MED13L: variants seen among roughly 807,000 people sequenced by gnomAD.
The protein encoded by MED13L is mediator of RNA polymerase II transcription subunit 13-like.
Under a neutral mutation model 220.9 loss-of-function variants are expected in MED13L, and 7 were observed. The observed-to-expected ratio is 0.03, with a 90% CI of 0.02 to 0.06. The LOEUF (loss-of-function observed/expected upper bound fraction) is 0.06. Among genes scored for constraint, MED13L ranks in the 10% least tolerant of loss-of-function variants. The probability of loss-of-function intolerance (pLI) is 1.00; values close to 1 mark genes in which losing one functional copy is unlikely to be tolerated. For missense variants in MED13L, 1,965 were observed against 2,760.5 expected (o/e 0.71, Z 6.46); for synonymous variants, 1,011 against 1,015.2 (o/e 1.00, Z 0.08).
chr12:116,087,425 C>A (rs1259398350), intron 4 of MED13L, among the ~76,000 whole-genome samples: 1 of 152,136 alleles, frequency 6.6e-6, no homozygotes, highest in Non-Finnish European at 1.5e-5. Flanking sequence ...GTATTCTTAA[C>A]CATCTTTCCA....
At chr12:116,066,766 A>G (rs1023124322) in intron 4 of MED13L, among the ~76,000 whole-genome samples, 4 of 152,128 alleles carry the variant, frequency 2.6e-5, no homozygotes, top group African/African-American at 9.6e-5. Flanking sequence ...TATTAAAAAA[A>G]AAAAAAACTC....
intron 4 of MED13L, among the ~76,000 whole-genome samples, chr12:116,067,896 G>C (rs185339280): frequency 1.5e-4 from 23 of 152,290 alleles, no homozygotes; most frequent in Middle Eastern, 3.4e-3. Flanking sequence ...ACAACAAAGA[G>C]ATTATTCATG....
intron 2 of MED13L, among the ~76,000 whole-genome samples, chr12:116,157,697 C>A (rs1191444378): frequency 6.6e-6 from 1 of 152,204 alleles, no homozygotes; most frequent in Non-Finnish European, 1.5e-5. Context: ...CAGCATTCTC[C>A]CACAATATTT....
intron 4 of MED13L, among the ~76,000 whole-genome samples, chr12:116,095,044 C>T (rs915916461): frequency 2.0e-5 from 3 of 152,064 alleles, no homozygotes; most frequent in Non-Finnish European, 2.9e-5. Context: ...TGCCTACAGT[C>T]CCAGCTACTT....
chr12:116,013,318 G>A (rs1879530948), intron 8 of MED13L, among the ~76,000 whole-genome samples: 1 of 152,166 alleles, frequency 6.6e-6, no homozygotes, highest in South Asian at 2.1e-4. Flanking sequence ...CAGGAATGAT[G>A]GTGATGCCAA....
At chr12:116,248,936 C>T (rs1871289670) in intron 1 of MED13L, among the ~76,000 whole-genome samples, 1 of 152,138 alleles carries the variant, frequency 6.6e-6, no homozygotes, top group Admixed American at 6.5e-5. Context: ...AGCTAGACTC[C>T]CTGAGAGAAG....
At chr12:116,138,541 TAG>T (rs1338822328) in intron 2 of MED13L, among the ~76,000 whole-genome samples, 1 of 152,218 alleles carries the variant, frequency 6.6e-6, no homozygotes, top group Non-Finnish European at 1.5e-5. Flanking sequence ...CATCTAGCTC[TAG>T]AGTTTTATGA....
chr12:116,198,037 A>G (rs1387178598), intron 2 of MED13L, among the ~76,000 whole-genome samples: 1 of 152,198 alleles, frequency 6.6e-6, no homozygotes, highest in African/African-American at 2.4e-5. Flanking sequence ...CATTAACAAT[A>G]ATACCATCAA....
intron 2 of MED13L, among the ~76,000 whole-genome samples, chr12:116,201,953 C>G (rs1438538749): frequency 6.6e-6 from 1 of 152,320 alleles, no homozygotes; most frequent in East Asian, 1.9e-4. Context: ...ATGCTTCATT[C>G]TCTTTGTAAG....
intron 2 of MED13L, among the ~76,000 whole-genome samples, chr12:116,195,079 TG>T (rs1295789392): frequency 1.3e-5 from 2 of 152,166 alleles, no homozygotes; most frequent in African/African-American, 2.4e-5. Context: ...AACAGCTGCC[TG>T]GGGGTAAGTA....
intron 2 of MED13L, among the ~76,000 whole-genome samples, chr12:116,233,349 A>T (rs1316754271): frequency 1.3e-5 from 2 of 152,204 alleles, no homozygotes; most frequent in African/African-American, 4.8e-5. Flanking sequence ...TAAAATCACA[A>T]TATTATGGTT....
intron 2 of MED13L, among the ~76,000 whole-genome samples, chr12:116,224,398 G>A (rs1448910566): frequency 9.2e-5 from 14 of 152,080 alleles, no homozygotes; most frequent in South Asian, 4.2e-4. Flanking sequence ...AAATCAACTC[G>A]TCCTCAAGGC....
intron 4 of MED13L, among the ~76,000 whole-genome samples, chr12:116,069,980 A>G (rs1459170443): frequency 6.6e-6 from 1 of 152,236 alleles, no homozygotes; most frequent in Non-Finnish European, 1.5e-5. Flanking sequence ...CATTTTGGAT[A>G]AAGAGTACTC....
chr12:116,039,516 A>G (rs1161245191), intron 4 of MED13L, among the ~76,000 whole-genome samples: 1 of 152,132 alleles, frequency 6.6e-6, no homozygotes, highest in African/African-American at 2.4e-5. Context: ...AACCATCTGC[A>G]TTGCTCATGA....
rs574615652 is a variant in MED13L, at chr12:116,175,391, T to C, written c.310+62077A>G. On this transcript the variant is annotated intron_variant, in intron 2 of 30. Coordinates refer to ENST00000281928, the MANE Select transcript of MED13L (RefSeq NM_015335.5). ...CCTTCCCTGACCCTAAAAACATTCT[T>C]AAAAAGCTTAATTCTGACGAAAAAA... 2.9e-4 allele frequency among the ~76,000 whole-genome samples: 44 copies of C among 152,218 alleles called. 1 individual carries two copies. The highest frequency in any genetic ancestry group is 9.4e-4 in the African/African-American group (39 of 41,536).
chr12:116,031,740 GAA>G lies in MED13L; in HGVS notation c.480-9141_480-9140del, dbSNP rs1175164792. Among the ~76,000 whole-genome samples, 600 of 60,460 alleles carry G rather than the reference GAA, an allele frequency of 9.9e-3. 12 individuals are homozygous for G. Among genetic ancestry groups the G allele is most frequent in the African/African-American group, 0.025 (264 of 10,704 alleles). The allele number at this position is 60,460 out of a possible 152,430, so 39.7% of individuals were successfully genotyped here. ...GAAAAGAAAAGAAAAGAAAAGAAAA[GAA>G]AAGAAAAGAAAAGAAAAGAAGGAAG... is the stretch of plus-strand genomic sequence containing the variant. On this transcript the variant is annotated intron_variant, in intron 4 of 30. Transcript: ENST00000281928.
intron 2 of MED13L, among the ~76,000 whole-genome samples, chr12:116,136,235 A>C (rs554385745): frequency 6.6e-6 from 1 of 152,074 alleles, no homozygotes; most frequent in African/African-American, 2.4e-5. Context: ...GTGTCTCTTG[A>C]TGTTTAATGA....
At chr12:116,047,269 G>A (rs902149346) in intron 4 of MED13L, among the ~76,000 whole-genome samples, 3 of 152,066 alleles carry the variant, frequency 2.0e-5, no homozygotes, top group Non-Finnish European at 2.9e-5. Context: ...TGAGAGCATC[G>A]CTTGAATCCA....
chr12:116,257,632 A>C (rs1265747739), intron 1 of MED13L, among the ~76,000 whole-genome samples: 2 of 152,200 alleles, frequency 1.3e-5, no homozygotes, highest in Admixed American at 6.5e-5. Flanking sequence ...TGTACAGAAA[A>C]AGAGATTACT....
Sources: gnomAD v4.1 joint callset for allele counts (sites outside exome capture counted in the v4.1 genomes callset) on GRCh38, gnomAD v4.1.1 for gene constraint, MANE v1.5 for transcripts, NCBI Gene and HGNC (gene_info 2026-07-23, HGNC 2026-07-21) for gene names.